The following FCHSD2 variants were observed in gnomAD, a reference collection of about 807,000 sequenced individuals.
FCHSD2 encodes F-BAR and double SH3 domains protein 2.
In FCHSD2, 38 loss-of-function variants were observed where a neutral mutation model predicts 108.1. The observed-to-expected ratio is 0.35, with a 90% CI of 0.27 to 0.46. FCHSD2 has a LOEUF of 0.46. Among genes scored for constraint, FCHSD2 ranks in the 20% least tolerant of loss-of-function variants. The pLI is 1.00. For missense variants in FCHSD2, 751 were observed against 897.8 expected (o/e 0.84, Z 2.09); for synonymous variants, 279 against 314.7 (o/e 0.89, Z 1.20).
chr11:72,916,042 T>A (rs1033825671), intron 9 of FCHSD2, among the ~76,000 whole-genome samples: 1 of 151,786 alleles, frequency 6.6e-6, no homozygotes, highest in Admixed American at 6.6e-5. Context: ...CAACGCACAC[T>A]AGGGCCTACC....
chr11:72,928,062 T>A (rs949154088), intron 8 of FCHSD2, among the ~76,000 whole-genome samples: 1 of 152,232 alleles, frequency 6.6e-6, no homozygotes, highest in African/African-American at 2.4e-5. Context: ...GGATGTGGTA[T>A]AATGTTAGTC....
chr11:73,061,861 A>G (rs183514223), intron 3 of FCHSD2, among the ~76,000 whole-genome samples: 1 of 152,256 alleles, frequency 6.6e-6, no homozygotes, highest in Admixed American at 6.5e-5. Context: ...CACTTGGGGA[A>G]AGGGGCAGCT....
At chr11:73,093,139 C>T (rs992983201) in intron 2 of FCHSD2, among the ~76,000 whole-genome samples, 2 of 152,216 alleles carry the variant, frequency 1.3e-5, no homozygotes, top group African/African-American at 4.8e-5. Context: ...ATTGGCAAGA[C>T]TCTGTGCATA....
intron 3 of FCHSD2, among the ~76,000 whole-genome samples, chr11:73,054,477 C>T (rs1357973260): frequency 2.6e-5 from 4 of 151,998 alleles, no homozygotes; most frequent in African/African-American, 9.7e-5. Context: ...CTCTTGGTAT[C>T]CTAAAATTCC....
chr11:73,106,444 A>G (rs1238563060), intron 2 of FCHSD2, among the ~76,000 whole-genome samples: 1 of 151,846 alleles, frequency 6.6e-6, no homozygotes, highest in Non-Finnish European at 1.5e-5. Flanking sequence ...AAGAAACAAG[A>G]ATTTCCTCCA....
chr11:72,903,811 T>A (rs999477973), intron 9 of FCHSD2, among the ~76,000 whole-genome samples: 3 of 152,164 alleles, frequency 2.0e-5, no homozygotes, highest in Admixed American at 1.3e-4. Context: ...GGAAAAGGGA[T>A]AATTGAGGAG....
intron 14 of FCHSD2, among the ~76,000 whole-genome samples, chr11:72,847,232 A>C (rs1019813795): frequency 3.3e-5 from 5 of 152,190 alleles, no homozygotes; most frequent in African/African-American, 1.2e-4. Flanking sequence ...TCCCGGCTTC[A>C]AGTGATCTTC....
intron 2 of FCHSD2, among the ~76,000 whole-genome samples, chr11:73,097,974 T>C (rs1475695354): frequency 6.6e-6 from 1 of 152,170 alleles, no homozygotes; most frequent in Non-Finnish European, 1.5e-5. Flanking sequence ...GGTGCCCAGC[T>C]CTTCTTCTAA....
chr11:72,915,652 C>CTACAAAAA (rs1004848043), intron 9 of FCHSD2, among the ~76,000 whole-genome samples: 1 of 152,002 alleles, frequency 6.6e-6, no homozygotes, highest in African/African-American at 2.4e-5. Context: ...AACCCCAGCT[C>CTACAAAAA]TACAAAAATA....
chr11:72,949,516 T>C (rs1311732602), intron 8 of FCHSD2, among the ~76,000 whole-genome samples: 2 of 151,808 alleles, frequency 1.3e-5, no homozygotes, highest in Non-Finnish European at 2.9e-5. Context: ...AAGAAAACTT[T>C]ATAGCCATTA....
intron 13 of FCHSD2, among the ~76,000 whole-genome samples, chr11:72,859,307 G>A (rs1861510704): frequency 6.6e-6 from 1 of 152,136 alleles, no homozygotes; most frequent in Admixed American, 6.6e-5. Flanking sequence ...CCCCTTTGTC[G>A]AGTATATGCA....
At chr11:72,921,211 C>A (rs1855970632) in intron 9 of FCHSD2, among the ~76,000 whole-genome samples, 2 of 152,140 alleles carry the variant, frequency 1.3e-5, no homozygotes, top group African/African-American at 2.4e-5. Flanking sequence ...ACCACAGGAA[C>A]AATTTATCTT....
chr11:73,088,359 T>A, intron 2 of FCHSD2, among the ~76,000 whole-genome samples: 1 of 152,174 alleles, frequency 6.6e-6, no homozygotes, highest in East Asian at 1.9e-4. Context: ...ATGGTTTGTG[T>A]AAGTGTACTC....
At chr11:73,084,413 T>C (rs987545296) in intron 2 of FCHSD2, among the ~76,000 whole-genome samples, 4 of 152,190 alleles carry the variant, frequency 2.6e-5, no homozygotes, top group Non-Finnish European at 5.9e-5. Flanking sequence ...TTTTTAGAGA[T>C]AGGGTCTTGT....
At chr11:73,059,116 A>C (rs935252672) in intron 3 of FCHSD2, among the ~76,000 whole-genome samples, 2 of 152,212 alleles carry the variant, frequency 1.3e-5, no homozygotes, top group African/African-American at 4.8e-5. Context: ...GACTACTTTC[A>C]GTGAGAATGC....
At chr11:73,093,972 A>C (rs756230854) in intron 2 of FCHSD2, among the ~76,000 whole-genome samples, 6 of 152,150 alleles carry the variant, frequency 3.9e-5, no homozygotes, top group Non-Finnish European at 5.9e-5. Context: ...ATACTTTGGA[A>C]GGCCGAGTCA....
intron 13 of FCHSD2, among the ~76,000 whole-genome samples, chr11:72,854,085 TGACAAG>T (rs780271661): frequency 1.2e-4 from 18 of 152,196 alleles, no homozygotes; most frequent in Non-Finnish European, 2.1e-4. Flanking sequence ...TAACAAGTGT[TGACAAG>T]GATGTGGAAA....
rs1004803374 is a variant in FCHSD2 at position 72,919,695 on chromosome 11, C to T, written c.828+2133G>A. On this transcript the variant is annotated intron_variant, in intron 9 of 19. Coordinates refer to ENST00000409418, the MANE Select transcript of FCHSD2 (RefSeq NM_014824.3). ...GTTTTATAAACTAAGGGTAGTGTCT[C>T]CAGTCCAACTTATTCTTGGAAAAAA... Among the ~76,000 whole-genome samples the T allele has an allele frequency of 9.9e-5, 15 of 152,170 alleles. No homozygotes were observed. The South Asian group carries it at 3.1e-3, about 32-fold the overall frequency.
intron 8 of FCHSD2, among the ~76,000 whole-genome samples, chr11:72,955,294 T>C (rs189383138): frequency 6.6e-6 from 1 of 152,352 alleles, no homozygotes; most frequent in Admixed American, 6.5e-5. Flanking sequence ...ACTCATTTAT[T>C]ATAAAACATT....
Sources: allele counts gnomAD v4.1 joint callset (sites outside exome capture counted in the v4.1 genomes callset), GRCh38; gene constraint gnomAD v4.1.1; transcripts MANE v1.5; gene names NCBI Gene and HGNC (gene_info 2026-07-23, HGNC 2026-07-21).